CDHR2: variants seen among roughly 807,000 people sequenced by gnomAD.
The protein encoded by CDHR2 is cadherin-related family member 2.
In CDHR2, 104 loss-of-function variants were observed where a neutral mutation model predicts 138.6. The ratio of observed to expected loss-of-function variants is 0.75; its 90% CI spans 0.64 to 0.88. The LOEUF (loss-of-function observed/expected upper bound fraction) is 0.88. Ranked by LOEUF, CDHR2 falls within the 40% of genes least tolerant of loss-of-function variation. The pLI, the probability that CDHR2 is intolerant of heterozygous loss-of-function variation, is 0.00. For missense variants in CDHR2, 1,624 were observed against 1,727.6 expected (o/e 0.94, Z 1.06); for synonymous variants, 755 against 742.8 (o/e 1.02, Z -0.27).
Position 176,565,757 on chromosome 5 carries a change from C to T in CDHR2, c.124+14C>T, listed in dbSNP as rs768919852. 14 of 1,608,882 alleles carry T rather than the reference C, an allele frequency of 8.7e-6. No homozygotes were observed. Among genetic ancestry groups the T allele is most frequent in the Admixed American group, 1.7e-5 (1 of 59,788 alleles). ...ACCTGCCTGTGGGTGAGTCCCGGTC[C>T]CTGTGTCTGCCCCATGTCAGGTCCT... On this transcript the variant is annotated intron_variant, in intron 3 of 31. Transcript: ENST00000261944.
intron 2 of CDHR2, 100 bp from the exon 3 acceptor site, chr5:176,565,572 C>A (rs1758059479): frequency 3.9e-6 from 5 of 1,271,682 alleles, no homozygotes; most frequent in Non-Finnish European, 5.6e-6. Flanking sequence ...GGACGGGTGG[C>A]CTGGGTGGCC....
At position 176,581,444 on chromosome 5, in the gene CDHR2, G is replaced by C; in HGVS notation, c.1920G>C (p.Gly640=). Residue 640 remains glycine (G), a synonymous_variant, in exon 17 of 32, where the codon GGG becomes GGC. Transcript: ENST00000261944. ...SHNFSLDPDT[G]LLRNLGPLDR... is the part of the protein sequence containing the mutation. ...ACTTCTCCTTGGACCCTGACACAGGGCTCCTCAGAAACCTGGGGCCCCTGG... is the reference window on the plus strand; with the variant it reads ...ACTTCTCCTTGGACCCTGACACAGGCCTCCTCAGAAACCTGGGGCCCCTGG... 1 of 1,614,182 alleles carries C rather than the reference G, an allele frequency of 6.2e-7. No homozygotes were observed.
chr5:176,577,374 C>T (rs1176022116), intron 12 of CDHR2, 25 bp from the exon 13 acceptor site: 1 of 1,594,148 alleles, frequency 6.3e-7, no homozygotes. Flanking sequence ...GGGACAGGTC[C>T]CTGCTAGACA....
At chr5:176,588,542 T>A (rs1051132524) in intron 21 of CDHR2, among the ~76,000 whole-genome samples, 8 of 137,480 alleles carry the variant, frequency 5.8e-5, no homozygotes, top group Non-Finnish European at 9.4e-5. Flanking sequence ...TTAGGGTGAG[T>A]GAGTGTATGT....
chr5:176,561,458 C>T (rs1239951163), intron 1 of CDHR2, among the ~76,000 whole-genome samples: 2 of 152,136 alleles, frequency 1.3e-5, no homozygotes, highest in Non-Finnish European at 1.5e-5. Context: ...GCATCAGACG[C>T]AGACCTTGCC....
chr5:176,590,617 A>G lies in CDHR2; in HGVS notation c.3469A>G (p.Ile1157Val). The change falls in exon 28 of 32, where the codon ATA becomes GTA. Residue 1157 changes from isoleucine (I) to valine (V), a missense_variant. Physicochemically the swap from Ile to Val is conservative, Grantham distance 29. Coordinates refer to ENST00000261944, the MANE Select transcript of CDHR2 (RefSeq NM_017675.6). Reference sequence around the variant, plus strand: ...GTCGAAACAGCTCATCAGTGTCATCATAGGATTGGGAGTGGCTTTGCTGCT... The same window carrying G: ...GTCGAAACAGCTCATCAGTGTCATCGTAGGATTGGGAGTGGCTTTGCTGCT... ...DLSKQLISVI[I>V]GLGVALLLVL... The G allele has an allele frequency of 6.2e-7, 1 of 1,613,996 alleles. No homozygotes were observed. Among genetic ancestry groups the G allele is most frequent in the Non-Finnish European group, 8.5e-7 (1 of 1,180,002 alleles).
At chr5:176,581,301 G>T in intron 16 of CDHR2, 42 bp from the exon 17 acceptor site, 1 of 1,605,100 alleles carries the variant, frequency 6.2e-7, no homozygotes, top group South Asian at 1.1e-5. Context: ...TGGGGGCTGG[G>T]AATGCCGATG....
chr5:176,575,693 G>T (rs986551541), intron 10 of CDHR2, 31 bp from the exon 11 acceptor site: 1 of 1,591,642 alleles, frequency 6.3e-7, no homozygotes, highest in African/African-American at 1.3e-5. Context: ...TGGAGCAGCT[G>T]TTCCAGCTGT....
intron 1 of CDHR2, among the ~76,000 whole-genome samples, chr5:176,551,069 C>T (rs575165392): frequency 2.0e-4 from 31 of 152,206 alleles, no homozygotes; most frequent in African/African-American, 7.2e-4. Flanking sequence ...GAGTGCAAGG[C>T]GCTATCTCGG....
chr5:176,566,638 C>A (rs1316669053), intron 3 of CDHR2, among the ~76,000 whole-genome samples: 2 of 152,104 alleles, frequency 1.3e-5, no homozygotes, highest in Non-Finnish European at 1.5e-5. Context: ...CGCTCAGTGG[C>A]CCGACTTCCC....
Position 176,589,549 on chromosome 5 carries a change from T to TA in CDHR2, c.3140dup (p.Tyr1047Ter). Residue 1047 changes from tyrosine (Y) to a stop codon, truncating the protein, a stop_gained and frameshift_variant, in exon 24 of 32, where the codon TAC (tyrosine) becomes TAAC (stop). Coordinates refer to ENST00000261944, the MANE Select transcript of CDHR2 (RefSeq NM_017675.6). LOFTEE classifies it high-confidence loss of function. ...TLNLFTVDQS[Y>*]RSRLQFSTPK... ...CCAGCTCTTCACCGTGGACCAGAGT[T>TA]ACCGCTCGCGGCTGCAGTTCTCCAC... The TA allele has an allele frequency of 6.2e-7, 1 of 1,614,036 alleles. No homozygotes were observed. Among genetic ancestry groups the TA allele is most frequent in the Non-Finnish European group, 8.5e-7 (1 of 1,180,018 alleles).
Position 176,575,707 on chromosome 5 carries a change from G to T in CDHR2, c.845-17G>T. 6.3e-7 allele frequency: 1 copy of T among 1,588,484 alleles called. No individual in the cohort carries two copies. The highest frequency in any genetic ancestry group is 8.6e-7 in the Non-Finnish European group (1 of 1,167,066). On this transcript the variant is annotated splice_polypyrimidine_tract_variant and intron_variant, in intron 10 of 31. Coordinates refer to ENST00000261944, the MANE Select transcript of CDHR2 (RefSeq NM_017675.6). ...CTGGAGCAGCTGTTCCAGCTGTTCC[G>T]CCTTTCTCCTTGCCAGACTCCACGC...
intron 1 of CDHR2, among the ~76,000 whole-genome samples, chr5:176,564,979 T>A (rs1053964521): frequency 6.6e-6 from 1 of 152,144 alleles, no homozygotes; most frequent in Non-Finnish European, 1.5e-5. Flanking sequence ...CCAAGCATGG[T>A]CTTGTCATTG....
At position 176,568,964 on chromosome 5, in the gene CDHR2, T is replaced by A; in HGVS notation, c.269T>A (p.Leu90His). Residue 90 changes from leucine to histidine, a missense_variant, in exon 5 of 32, where the codon CTC (leucine) becomes CAC (histidine). Leu to His is a moderately conservative substitution (Grantham distance 99, BLOSUM62 -3). This residue lies in a region of CDHR2 where 1,061 missense variants were observed against 1,136.6 expected (regional missense o/e 0.93). Coordinates refer to ENST00000261944, the MANE Select transcript of CDHR2 (RefSeq NM_017675.6). Reference protein sequence around the residue: ...KLASALDYETLYTFKVTISVS... With the variant: ...KLASALDYETHYTFKVTISVS... ...CCTTCTCTCTGGCTGCTGCAGACACTCTACACATTCAAAGTCACCATCTCC... is the reference window on the plus strand; with the variant it reads ...CCTTCTCTCTGGCTGCTGCAGACACACTACACATTCAAAGTCACCATCTCC... 2 of 1,614,030 alleles carry A rather than the reference T, an allele frequency of 1.2e-6. No homozygotes were observed. The highest frequency in any genetic ancestry group is 1.7e-6 in the Non-Finnish European group (2 of 1,179,960).
At chr5:176,585,838 G>C (rs1758650792) in intron 19 of CDHR2, 116 bp from the exon 20 acceptor site, 1 of 779,718 alleles carries the variant, frequency 1.3e-6, no homozygotes, top group Non-Finnish European at 2.2e-6. Context: ...AGGCTGCGGG[G>C]CACGGGGTTG....
chr5:176,550,321 G>A (rs1757676921), intron 1 of CDHR2, among the ~76,000 whole-genome samples: 2 of 152,266 alleles, frequency 1.3e-5, no homozygotes, highest in Admixed American at 6.5e-5. Context: ...GGCTGTTTGA[G>A]TCTGTATGTG....
chr5:176,567,697 C>T (rs1417854991), intron 3 of CDHR2, among the ~76,000 whole-genome samples: 2 of 151,766 alleles, frequency 1.3e-5, no homozygotes, highest in African/African-American at 2.4e-5. Flanking sequence ...TTCACCATGT[C>T]GGCCAAGCTG....
chr5:176,545,159 A>G (rs765627784), upstream of CDHR2, among the ~76,000 whole-genome samples: 13 of 152,094 alleles, frequency 8.5e-5, no homozygotes, highest in Non-Finnish European at 1.6e-4. Context: ...TCTGTCACCC[A>G]GGCAGGAGTG....
rs1476614483 is a variant in CDHR2 at position 176,592,080 on chromosome 5, CGTG to C, written c.3734+609_3734+611del. Among the ~76,000 whole-genome samples the C allele has an allele frequency of 8.7e-5, 10 of 115,196 alleles. No individual in the cohort carries two copies. The East Asian group carries it at 1.0e-3, about 12-fold the overall frequency. The allele number at this position is 115,196 out of a possible 152,430, so 75.6% of individuals were successfully genotyped here. ...TGGTCATGGTAGTGGTGGCAGTTATCGTGGTGGTGGTGGTGATGGTGGTGGTGA... is the reference window on the plus strand; with the variant it reads ...TGGTCATGGTAGTGGTGGCAGTTATCGTGGTGGTGGTGATGGTGGTGGTGA... On this transcript the variant is annotated intron_variant, in intron 30 of 31. Coordinates refer to ENST00000261944, the MANE Select transcript of CDHR2 (RefSeq NM_017675.6).
Sources: allele counts gnomAD v4.1 joint callset (sites outside exome capture counted in the v4.1 genomes callset), GRCh38; gene constraint gnomAD v4.1.1; regional missense constraint gnomAD v4.1.1; transcripts MANE v1.5; gene names NCBI Gene and HGNC (gene_info 2026-07-23, HGNC 2026-07-21).